The following DEPDC5 variants were observed in gnomAD, a reference collection of about 807,000 sequenced individuals.
The protein encoded by DEPDC5 is GATOR1 complex protein DEPDC5.
Under a neutral mutation model 217.3 loss-of-function variants are expected in DEPDC5, and 73 were observed. The observed-to-expected ratio is 0.34, with a 90% CI of 0.28 to 0.41. The LOEUF is 0.41. Ranked by LOEUF, DEPDC5 falls within the 10% of genes least tolerant of loss-of-function variation. DEPDC5 has a pLI of 1.00. For synonymous variants in DEPDC5, 733 were observed against 756.7 expected (o/e 0.97, Z 0.51); for missense variants, 1,675 against 2,070.1 (o/e 0.81, Z 3.70).
chr22:31,837,215 A>C, intron 26 of DEPDC5, 60 bp downstream of exon 26: 1 of 1,568,992 alleles, frequency 6.4e-7, no homozygotes, highest in Admixed American at 1.7e-5. Context: ...TATATCCCAC[A>C]CATGCATCAG....
intron 25 of DEPDC5, among the ~76,000 whole-genome samples, chr22:31,836,575 C>T (rs902940225): frequency 2.6e-5 from 4 of 152,180 alleles, no homozygotes; most frequent in African/African-American, 9.6e-5. Flanking sequence ...CCCCTCCTTT[C>T]CCCACCTAGC....
At chr22:31,856,021 C>T (rs2092275140) in intron 31 of DEPDC5, among the ~76,000 whole-genome samples, 1 of 151,920 alleles carries the variant, frequency 6.6e-6, no homozygotes, top group South Asian at 2.1e-4. Flanking sequence ...CCCTTGGGCA[C>T]AACACCTGTG....
chr22:31,825,018 G>T (rs999801327), intron 24 of DEPDC5, among the ~76,000 whole-genome samples: 1 of 151,930 alleles, frequency 6.6e-6, no homozygotes, highest in African/African-American at 2.4e-5. Context: ...ACCTTTAGAG[G>T]GGCTATTGCT....
At chr22:31,843,616 A>C in intron 28 of DEPDC5, 29 bp from the exon 29 acceptor site, 1 of 1,580,890 alleles carries the variant, frequency 6.3e-7, no homozygotes, top group Non-Finnish European at 8.6e-7. Flanking sequence ...AACTCTTTTG[A>C]ATTTGGGGAC....
intron 31 of DEPDC5, among the ~76,000 whole-genome samples, chr22:31,854,937 GGACT>G (rs2092211846): frequency 6.6e-6 from 1 of 151,634 alleles, no homozygotes; most frequent in Non-Finnish European, 1.5e-5. Flanking sequence ...GACAATGTAA[GGACT>G]TAATTGAGTC....
intron 37 of DEPDC5, among the ~76,000 whole-genome samples, chr22:31,878,585 T>C (rs2093070824): frequency 6.6e-6 from 1 of 150,412 alleles, no homozygotes; most frequent in Non-Finnish European, 1.5e-5. Flanking sequence ...TGGTTGTACA[T>C]GCTGGTCTTC....
At chr22:31,818,660 T>C (rs1389638587) in intron 21 of DEPDC5, among the ~76,000 whole-genome samples, 1 of 152,180 alleles carries the variant, frequency 6.6e-6, no homozygotes, top group Non-Finnish European at 1.5e-5. Context: ...TTATTGTTCC[T>C]CCCTCTTAGA....
chr22:31,870,579 A>G lies in DEPDC5; in HGVS notation c.3331-11A>G, dbSNP rs746738313. The G allele has an allele frequency of 4.7e-6, 7 of 1,490,296 alleles. No individual in the cohort carries two copies. In the Admixed American group the frequency reaches 1.5e-4, roughly 32 times the overall value. The allele number at this position is 1,490,296 out of a possible 1,614,324, so 92.3% of individuals were successfully genotyped here. On this transcript the variant is annotated splice_polypyrimidine_tract_variant and intron_variant, in intron 33 of 42. Transcript: ENST00000651528. ...TTTGGAATCAAGTATTCATTTTTAA[A>G]TCTCCTGCAGGTATCTGTGGACCAA...
chr22:31,892,931 A>G lies in DEPDC5; in HGVS notation c.4034-651A>G, dbSNP rs2093471454. On this transcript the variant is annotated intron_variant, in intron 38 of 42. Transcript: ENST00000651528. ...TCGCTGTATTGCCAGACTGGAGTGC[A>G]ATGGCGCGATCTCGGCTCACTGCAA... is the stretch of plus-strand genomic sequence containing the variant. 6.3e-5 allele frequency among the ~76,000 whole-genome samples: 9 copies of G among 143,304 alleles called. No individual in the cohort carries two copies. In the South Asian group the frequency reaches 2.0e-3, roughly 32 times the overall value. The allele number at this position is 143,304 out of a possible 152,430, so 94.0% of individuals were successfully genotyped here.
intron 7 of DEPDC5, among the ~76,000 whole-genome samples, chr22:31,773,579 T>C (rs1569515218): frequency 6.6e-6 from 1 of 152,174 alleles, no homozygotes; most frequent in East Asian, 1.9e-4. Flanking sequence ...TTCTATCTTT[T>C]CTCCAGAAGA....
intron 3 of DEPDC5, 156 bp from the exon 4 acceptor site, chr22:31,760,500 G>A (rs2082301953): frequency 1.6e-6 from 1 of 642,564 alleles, no homozygotes; most frequent in African/African-American, 1.8e-5. Context: ...CACCGCACCT[G>A]GCCGAGTTTC....
At chr22:31,843,020 A>G (rs2091490599) in intron 27 of DEPDC5, 75 bp from the exon 28 acceptor site, 5 of 1,097,820 alleles carry the variant, frequency 4.6e-6, no homozygotes, top group Middle Eastern at 2.0e-4. Context: ...TTCTGAATCT[A>G]TATGGATGAG....
chr22:31,766,829 T>C (rs1256800241), intron 6 of DEPDC5, among the ~76,000 whole-genome samples, 161 bp downstream of exon 6: 3 of 152,204 alleles, frequency 2.0e-5, no homozygotes, highest in Non-Finnish European at 4.4e-5. Context: ...CTTTTCACTG[T>C]TCTTTTGATC....
At chr22:31,771,284 A>G (rs2083328959) in intron 7 of DEPDC5, among the ~76,000 whole-genome samples, 1 of 152,226 alleles carries the variant, frequency 6.6e-6, no homozygotes, top group South Asian at 2.1e-4. Flanking sequence ...AAGAAAGGAT[A>G]GAGGCTTCAT....
At chr22:31,845,737 A>G (rs2091689808) in intron 30 of DEPDC5, among the ~76,000 whole-genome samples, 1 of 151,816 alleles carries the variant, frequency 6.6e-6, no homozygotes, top group Non-Finnish European at 1.5e-5. Flanking sequence ...TTAAACATAT[A>G]GTATAATTGA....
At chr22:31,878,322 T>C (rs1194581366) in intron 37 of DEPDC5, among the ~76,000 whole-genome samples, 1 of 152,196 alleles carries the variant, frequency 6.6e-6, no homozygotes, top group African/African-American at 2.4e-5. Flanking sequence ...CTTTAAATTA[T>C]ACATTTGACC....
At chr22:31,905,655 G>A (rs975891258) in intron 41 of DEPDC5, among the ~76,000 whole-genome samples, 2 of 152,106 alleles carry the variant, frequency 1.3e-5, no homozygotes, top group Middle Eastern at 3.4e-3. Flanking sequence ...TAGGAGGGAC[G>A]GGCTGTCTGA....
chr22:31,755,076 G>A (rs139904781), intron 2 of DEPDC5, 97 bp downstream of exon 2: 14 of 1,405,560 alleles, frequency 1.0e-5, no homozygotes, highest in Middle Eastern at 3.6e-4. Context: ...TGACAATTGA[G>A]GCTAAACAGG....
rs762208341 is a variant in DEPDC5 at position 31,797,587 on chromosome 22, A to G, written c.768-13A>G. ...GCTGCTCAATATCCATTTTATGATAATACTCTTTTCAGAGTGGTGGTGCAG... is the reference window on the plus strand; with the variant it reads ...GCTGCTCAATATCCATTTTATGATAGTACTCTTTTCAGAGTGGTGGTGCAG... On this transcript the variant is annotated splice_polypyrimidine_tract_variant and intron_variant, in intron 12 of 42. Transcript: ENST00000651528. The G allele has an allele frequency of 1.3e-6, 2 of 1,599,586 alleles. No individual in the cohort carries two copies. Among genetic ancestry groups the G allele is most frequent in the African/African-American group, 1.3e-5 (1 of 74,658 alleles).
Sources: gnomAD v4.1 joint callset for allele counts (sites outside exome capture counted in the v4.1 genomes callset) on GRCh38, gnomAD v4.1.1 for gene constraint, MANE v1.5 for transcripts, NCBI Gene and HGNC (gene_info 2026-07-23, HGNC 2026-07-21) for gene names.